NCAPG: variants seen among roughly 807,000 people sequenced by gnomAD.
The protein encoded by NCAPG is condensin complex subunit 3.
In NCAPG, 69 loss-of-function variants were observed where a neutral mutation model predicts 113.1. The observed-to-expected ratio is 0.61, with a 90% CI of 0.50 to 0.75. The LOEUF is 0.75. Among genes scored for constraint, NCAPG ranks in the 30% least tolerant of loss-of-function variants. The pLI, the probability that NCAPG is intolerant of heterozygous loss-of-function variation, is 0.00. For synonymous variants in NCAPG, 370 were observed against 415.8 expected, an observed-to-expected ratio of 0.89 and a Z score of 1.34; for missense variants, 1,058 against 1,177.0, an observed-to-expected ratio of 0.90 and a Z score of 1.48.
intron 2 of NCAPG, 92 bp downstream of exon 2, chr4:17,812,516 A>G (rs1721031567): frequency 1.1e-6 from 1 of 886,856 alleles, no homozygotes; most frequent in Non-Finnish European, 1.8e-6. Flanking sequence ...TGACAATGAA[A>G]TATCTAGTGA....
chr4:17,823,758 GAGA>G lies in NCAPG; in HGVS notation c.1373_1375del (p.Arg458del). ...TCCACATCATTATAGATGATAATAA[GAGA>G]ACACAAATTGTAAGTAATTTTCCTC... On this transcript the variant is annotated inframe_deletion, in exon 9 of 21. Transcript: ENST00000251496. 1 of 1,594,762 alleles carries G rather than the reference GAGA, an allele frequency of 6.3e-7. No homozygotes were observed. The highest frequency in any genetic ancestry group is 8.6e-7 in the Non-Finnish European group (1 of 1,166,114).
At chr4:17,825,119 T>C in intron 10 of NCAPG, 62 bp downstream of exon 10, 1 of 1,241,384 alleles carries the variant, frequency 8.1e-7, no homozygotes, top group Non-Finnish European at 1.2e-6. Flanking sequence ...GTCTATTCTT[T>C]CCTCTTGCTG....
At chr4:17,816,271 C>T (rs1443710729) in intron 5 of NCAPG, among the ~76,000 whole-genome samples, 6 of 152,026 alleles carry the variant, frequency 3.9e-5, no homozygotes, top group East Asian at 1.9e-4. Context: ...AGAGTTCCTG[C>T]GCCTGAGAGA....
chr4:17,815,156 T>C (rs1721151237), intron 4 of NCAPG, 118 bp from the exon 5 acceptor site: 1 of 1,226,320 alleles, frequency 8.2e-7, no homozygotes, highest in South Asian at 1.5e-5. Context: ...GTATTAAGTA[T>C]GTTACCAGGT....
intron 4 of NCAPG, 101 bp downstream of exon 4, chr4:17,815,099 A>G: frequency 6.7e-7 from 1 of 1,484,894 alleles, no homozygotes; most frequent in Admixed American, 1.9e-5. Flanking sequence ...TAATTTCTTC[A>G]GTTGAGGTTT....
rs1174828875 is a variant in NCAPG, at chr4:17,811,558, T to C, written c.111+370T>C. On this transcript the variant is annotated intron_variant, in intron 1 of 20. Transcript: ENST00000251496. This position sits in a 1 kb window ranked among gnomAD's most constrained non-coding sequence, Gnocchi z 5.3. The stretch of plus-strand genomic sequence containing the variant: ...ATTGAACCGCAGAGTGGATCCTGAA[T>C]GCGGGGGTTCAGTGGTCGTTGCCCC... Among the ~76,000 whole-genome samples, 1 of 152,156 alleles carries C rather than the reference T, an allele frequency of 6.6e-6. No homozygotes were observed. The highest frequency in any genetic ancestry group is 1.5e-5 in the Non-Finnish European group (1 of 68,020).
chr4:17,837,541 T>C (rs374210975), intron 15 of NCAPG, 86 bp from the exon 16 acceptor site: 2 of 1,434,092 alleles, frequency 1.4e-6, no homozygotes, highest in African/African-American at 1.4e-5. Context: ...AATGAGTGAA[T>C]TTCCTACATA....
intron 14 of NCAPG, 44 bp from the exon 15 acceptor site, chr4:17,837,115 G>C (rs1560231969): frequency 6.4e-7 from 1 of 1,564,650 alleles, no homozygotes; most frequent in Admixed American, 1.7e-5. Flanking sequence ...GGCTTAAAAA[G>C]GAGATACAAA....
At position 17,813,038 on chromosome 4, in the gene NCAPG, C is replaced by T. The variant is rs765554290; in HGVS notation, c.437C>T (p.Ala146Val). Residue 146 changes from alanine (A) to valine (V), a missense_variant, in exon 3 of 21, where the codon GCC (alanine) becomes GTC (valine). Coordinates refer to ENST00000251496, the MANE Select transcript of NCAPG (RefSeq NM_022346.5). ...GATGTGTTTGATAAAATTAATAAAG[C>T]CATGCTTATTAGATTGAAAGATAAG... is the stretch of plus-strand genomic sequence containing the variant. The part of the protein sequence containing the change: ...DDDVFDKINK[A>V]MLIRLKDKIP... 6.2e-7 allele frequency: 1 copy of T among 1,613,920 alleles called. No homozygotes were observed. Among genetic ancestry groups the T allele is most frequent in the South Asian group, 1.1e-5 (1 of 91,078 alleles).
intron 14 of NCAPG, among the ~76,000 whole-genome samples, chr4:17,836,006 C>T (rs999253955): frequency 2.0e-5 from 3 of 152,146 alleles, no homozygotes; most frequent in African/African-American, 7.2e-5. Context: ...AATTGTGTTG[C>T]TCAGTCATTT....
At chr4:17,815,193 A>G (rs907764443) in intron 4 of NCAPG, 81 bp from the exon 5 acceptor site, 1 of 1,340,556 alleles carries the variant, frequency 7.5e-7, no homozygotes, top group Non-Finnish European at 1.0e-6. Context: ...GATTCTGGGT[A>G]ATTTTCTAAG....
intron 20 of NCAPG, 26 bp downstream of exon 20, chr4:17,842,405 TGGA>T: frequency 6.3e-7 from 1 of 1,582,464 alleles, no homozygotes; most frequent in South Asian, 1.1e-5. Context: ...CTAGAATATA[TGGA>T]GGCCTATCTT....
intron 20 of NCAPG, chr4:17,843,042 T>C (rs1271176231): frequency 1.2e-5 from 3 of 248,236 alleles, no homozygotes; most frequent in Admixed American, 9.9e-5. Context: ...CATTACAAGT[T>C]TGTGGCTTTT....
At position 17,843,521 on chromosome 4, in the gene NCAPG, G is replaced by A. The variant is rs1722634024; in HGVS notation, c.*96G>A. On this transcript the variant is annotated 3_prime_UTR_variant, in exon 21 of 21. Transcript: ENST00000251496. ...TTGTCAAAATCAGAACAAACCTGATGTCTTTCTGAAGATTTTCTGCTGTGC... is the reference window on the plus strand; with the variant it reads ...TTGTCAAAATCAGAACAAACCTGATATCTTTCTGAAGATTTTCTGCTGTGC... The A allele has an allele frequency of 2.1e-6, 3 of 1,399,076 alleles. No individual in the cohort carries two copies. The highest frequency in any genetic ancestry group is 2.6e-5 in the South Asian group (2 of 76,632). The allele number at this position is 1,399,076 out of a possible 1,614,324, so 86.7% of individuals were successfully genotyped here.
chr4:17,818,066 G>C lies in NCAPG; in HGVS notation c.1096G>C (p.Val366Leu). Reference protein sequence around the residue: ...FLEQILPEPVVYADYLLSYIQ... With the variant: ...FLEQILPEPVLYADYLLSYIQ... ...AGAGCAGATTTTGCCAGAGCCTGTA[G>C]TATATGCAGACTATTTATTGAGGTA... Residue 366 changes from valine to leucine, a missense_variant, in exon 7 of 21, where the codon GTA becomes CTA. By Grantham distance (32) the Val-to-Leu change is conservative. Coordinates refer to ENST00000251496, the MANE Select transcript of NCAPG (RefSeq NM_022346.5). 6.2e-7 allele frequency: 1 copy of C among 1,609,568 alleles called. No homozygotes were observed. Among genetic ancestry groups the C allele is most frequent in the Non-Finnish European group, 8.5e-7 (1 of 1,178,626 alleles).
At position 17,813,053 on chromosome 4, in the gene NCAPG, T is replaced by G. The variant is rs1302810421; in HGVS notation, c.452T>G (p.Leu151Trp). ...DKINKAMLIR[L>W]KDKIPNVRIQ... ...ATTAATAAAGCCATGCTTATTAGAT[T>G]GAAAGATAAGATTCCAAATGTGAGA... The change falls in exon 3 of 21, where the codon TTG becomes TGG. Residue 151 changes from leucine to tryptophan, a missense_variant. Physicochemically the swap from Leu to Trp is moderately conservative, Grantham distance 61. Coordinates refer to ENST00000251496, the MANE Select transcript of NCAPG (RefSeq NM_022346.5). 6.2e-7 allele frequency: 1 copy of G among 1,614,074 alleles called. No homozygotes were observed. The highest frequency in any genetic ancestry group is 8.5e-7 in the Non-Finnish European group (1 of 1,179,948).
At chr4:17,819,978 C>A (rs955117054) in intron 7 of NCAPG, among the ~76,000 whole-genome samples, 4 of 152,076 alleles carry the variant, frequency 2.6e-5, no homozygotes, top group African/African-American at 9.7e-5. Flanking sequence ...CAGACTTTGA[C>A]ATTTAAGTAG....
At chr4:17,824,291 T>C (rs1472777942) in intron 9 of NCAPG, among the ~76,000 whole-genome samples, 2 of 152,156 alleles carry the variant, frequency 1.3e-5, no homozygotes, top group East Asian at 3.8e-4. Context: ...ACTATTTCAG[T>C]GTTATTTTTT....
At chr4:17,835,110 CTT>C (rs1462319548) in intron 14 of NCAPG, among the ~76,000 whole-genome samples, 11 of 152,274 alleles carry the variant, frequency 7.2e-5, no homozygotes, top group African/African-American at 1.9e-4. Flanking sequence ...TTTAAGTACT[CTT>C]GAACTACTAT....
Sources: allele counts gnomAD v4.1 joint callset (sites outside exome capture counted in the v4.1 genomes callset), GRCh38; gene constraint gnomAD v4.1.1; non-coding constraint Gnocchi (gnomAD v3.1); transcripts MANE v1.5; gene names NCBI Gene and HGNC (gene_info 2026-07-23, HGNC 2026-07-21).